GRID2: variants seen among roughly 807,000 people sequenced by gnomAD.
GRID2 encodes the protein glutamate receptor ionotropic, delta-2.
A neutral mutation model predicts 114.8 loss-of-function variants in GRID2; 33 were observed. The ratio of observed to expected loss-of-function variants is 0.29; its 90% CI spans 0.22 to 0.38. The LOEUF is 0.38. Ranked by LOEUF, GRID2 falls within the 10% of genes least tolerant of loss-of-function variation. The pLI is 1.00. For missense variants in GRID2, 1,184 were observed against 1,257.7 expected (o/e 0.94, Z 0.89); for synonymous variants, 505 against 449.9 (o/e 1.12, Z -1.55).
chr4:92,602,793 A>G (rs890278769), intron 2 of GRID2, among the ~76,000 whole-genome samples: 1 of 152,238 alleles, frequency 6.6e-6, no homozygotes, highest in African/African-American at 2.4e-5. Flanking sequence ...ATGATCTTCT[A>G]TCTAGAAAAC....
intron 1 of GRID2, among the ~76,000 whole-genome samples, chr4:92,323,580 C>T (rs1397967673): frequency 6.6e-6 from 1 of 152,002 alleles, no homozygotes; most frequent in South Asian, 2.1e-4. Context: ...TTTATGTAAA[C>T]CTTACTCCTT....
chr4:93,678,847 G>A (rs1725198743), intron 14 of GRID2, among the ~76,000 whole-genome samples: 1 of 151,030 alleles, frequency 6.6e-6, no homozygotes, highest in Non-Finnish European at 1.5e-5. Flanking sequence ...AGACCATCGA[G>A]ACTAGGAAGA....
intron 1 of GRID2, among the ~76,000 whole-genome samples, chr4:92,419,277 G>A (rs1353075992): frequency 1.3e-5 from 2 of 152,018 alleles, no homozygotes; most frequent in African/African-American, 4.8e-5. Flanking sequence ...GAGGGAAAGG[G>A]AATGTGATTT....
intron 2 of GRID2, among the ~76,000 whole-genome samples, chr4:92,646,442 AT>A (rs1289889193): frequency 3.9e-5 from 6 of 152,162 alleles, no homozygotes; most frequent in East Asian, 3.8e-4. Context: ...ACCTATTAAT[AT>A]TTTTTCTTGT....
At chr4:92,699,461 C>T (rs1464585487) in intron 2 of GRID2, among the ~76,000 whole-genome samples, 1 of 152,098 alleles carries the variant, frequency 6.6e-6, no homozygotes, top group African/African-American at 2.4e-5. Flanking sequence ...CTCTACTGCT[C>T]AGATGTGATT....
intron 2 of GRID2, among the ~76,000 whole-genome samples, chr4:92,997,016 T>A (rs1273333532): frequency 2.6e-5 from 4 of 152,178 alleles, no homozygotes; most frequent in Admixed American, 6.5e-5. Flanking sequence ...CCATCATACG[T>A]TAGGTACCAA....
At chr4:93,254,369 A>G (rs1749330618) in intron 8 of GRID2, among the ~76,000 whole-genome samples, 1 of 152,134 alleles carries the variant, frequency 6.6e-6, no homozygotes, top group Non-Finnish European at 1.5e-5. Context: ...TTTAACTAGT[A>G]AAATGAATGC....
intron 5 of GRID2, among the ~76,000 whole-genome samples, chr4:93,208,689 G>C (rs1743097078): frequency 6.6e-6 from 1 of 151,926 alleles, no homozygotes; most frequent in East Asian, 1.9e-4. Context: ...TCAGAGTAAA[G>C]ACGCTGAAAA....
At chr4:93,048,671 A>G (rs143636062) in intron 2 of GRID2, among the ~76,000 whole-genome samples, 1 of 152,130 alleles carries the variant, frequency 6.6e-6, no homozygotes, top group Non-Finnish European at 1.5e-5. Flanking sequence ...GGATAGGTAC[A>G]TAGGATAAAG....
intron 2 of GRID2, among the ~76,000 whole-genome samples, chr4:92,858,013 T>G (rs2149431391): frequency 6.6e-6 from 1 of 152,314 alleles, no homozygotes; most frequent in East Asian, 1.9e-4. Context: ...CACAACTGTT[T>G]ATAGCATGGT....
At position 92,780,158 on chromosome 4, in the gene GRID2, A is replaced by C. The variant is rs568882328; in HGVS notation, c.244+189872A>C. ...TAAAATCTTAGACACGCAATTTAGA[A>C]ACTAATAATAGAGCAAATAGTGGAT... On this transcript the variant is annotated intron_variant, in intron 2 of 15. Coordinates refer to ENST00000282020, the MANE Select transcript of GRID2 (RefSeq NM_001510.4). 2.0e-5 allele frequency among the ~76,000 whole-genome samples: 3 copies of C among 152,260 alleles called. No homozygotes were observed. The South Asian group carries it at 6.2e-4, about 32-fold the overall frequency.
intron 2 of GRID2, among the ~76,000 whole-genome samples, chr4:92,731,705 T>G (rs1736336074): frequency 6.6e-6 from 1 of 151,934 alleles, no homozygotes; most frequent in Non-Finnish European, 1.5e-5. Context: ...ATTGAGTAAC[T>G]TTAGGAAAAC....
chr4:92,377,403 T>C (rs1337128459), intron 1 of GRID2, among the ~76,000 whole-genome samples: 1 of 152,144 alleles, frequency 6.6e-6, no homozygotes, highest in East Asian at 1.9e-4. Flanking sequence ...TCCCCATTGC[T>C]ATCAGCATTT....
chr4:93,699,050 CCTA>C (rs1451318986), intron 14 of GRID2, among the ~76,000 whole-genome samples: 14 of 152,036 alleles, frequency 9.2e-5, no homozygotes, highest in African/African-American at 3.4e-4. Context: ...CCTATAACGT[CCTA>C]TAATTAGCTT....
rs753241866 is a variant in GRID2 at position 92,578,227 on chromosome 4, C to T, written c.89-11904C>T. ...TGGTGTGCTGCACCCATTGACTTAT[C>T]ATTTAGCATTAGGTATATCTCCTAA... On this transcript the variant is annotated intron_variant, in intron 1 of 15. Coordinates refer to ENST00000282020, the MANE Select transcript of GRID2 (RefSeq NM_001510.4). 1.4e-3 allele frequency among the ~76,000 whole-genome samples: 212 copies of T among 149,722 alleles called. 1 individual carries two copies. The highest frequency in any genetic ancestry group is 1.8e-3 in the Non-Finnish European group (122 of 67,490).
intron 1 of GRID2, among the ~76,000 whole-genome samples, chr4:92,455,477 T>A (rs549894498): frequency 6.6e-6 from 1 of 152,094 alleles, no homozygotes; most frequent in Non-Finnish European, 1.5e-5. Context: ...AACGTGAACC[T>A]AGTGTTGGGC....
intron 13 of GRID2, among the ~76,000 whole-genome samples, chr4:93,557,591 A>G (rs1258419171): frequency 2.0e-5 from 3 of 152,232 alleles, no homozygotes; most frequent in Non-Finnish European, 2.9e-5. Flanking sequence ...TCATAAAGCA[A>G]GTTCTTAGAG....
chr4:92,684,345 G>C (rs1163953517), intron 2 of GRID2, among the ~76,000 whole-genome samples: 1 of 151,794 alleles, frequency 6.6e-6, no homozygotes, highest in Non-Finnish European at 1.5e-5. Context: ...TTTACTATTA[G>C]TTAAACATAA....
chr4:92,876,283 T>TTTTATTTATTTA (rs34453618), intron 2 of GRID2, among the ~76,000 whole-genome samples: 8 of 148,568 alleles, frequency 5.4e-5, no homozygotes, highest in East Asian at 2.0e-4. Flanking sequence ...TTTTTTATTA[T>TTTTATTTATTTA]TTTATTTATT....
Sources: allele counts gnomAD v4.1 joint callset (sites outside exome capture counted in the v4.1 genomes callset), GRCh38; gene constraint gnomAD v4.1.1; transcripts MANE v1.5; gene names NCBI Gene and HGNC (gene_info 2026-07-23, HGNC 2026-07-21).